RADIL: variants seen among roughly 807,000 people sequenced by gnomAD.
RADIL encodes the protein ras-associating and dilute domain-containing protein.
RADIL carries 99 observed loss-of-function variants against 97.6 expected under a neutral mutation model. The ratio of observed to expected loss-of-function variants is 1.01; its 90% CI spans 0.86 to 1.20. The LOEUF (loss-of-function observed/expected upper bound fraction) is 1.20. Among genes scored for constraint, RADIL ranks in the 50% most tolerant of loss-of-function variants. The probability of loss-of-function intolerance (pLI) is 0.00; values close to 1 mark genes in which losing one functional copy is unlikely to be tolerated. For missense variants in RADIL, 1,765 were observed against 1,498.9 expected (o/e 1.18, Z -2.93); for synonymous variants, 803 against 691.8 (o/e 1.16, Z -2.52).
chr7:4,834,979 C>G lies in RADIL; in HGVS notation c.1044G>C (p.Gly348=). ...CCTTGAATAGCAGCAGGTAGTAGAG[C>G]CCCAGGGAGAGCAGGTCCCCGTGGT... is the stretch of plus-strand genomic sequence containing the variant. The part of the protein sequence containing the change: ...VLHHGDLLSL[G]LYYLLLFKDP... The change falls in exon 4 of 15, where the codon GGG becomes GGC. Residue 348 remains glycine, a synonymous_variant. Coordinates refer to ENST00000399583, the MANE Select transcript of RADIL (RefSeq NM_018059.5). This position sits in a 1 kb window ranked among gnomAD's most constrained non-coding sequence, Gnocchi z 6.0. The G allele has an allele frequency of 1.2e-6, 2 of 1,610,666 alleles. No individual in the cohort carries two copies. The highest frequency in any genetic ancestry group is 1.7e-6 in the Non-Finnish European group (2 of 1,179,088).
rs984059680 is a variant in RADIL at position 4,883,660 on chromosome 7, G to C, written c.-129C>G. The C allele has an allele frequency of 6.6e-6, 1 of 151,944 alleles. No individual in the cohort carries two copies. The highest frequency in any genetic ancestry group is 2.1e-4 in the South Asian group (1 of 4,838). The allele number at this position is 151,944 out of a possible 1,614,324, so 9.4% of individuals were successfully genotyped here. ...CTCCCACCCGCCGTTGGCTGGGGCC[G>C]GCGCCCAGACCCGCGCGTGCCGCGG... On this transcript the variant is annotated 5_prime_UTR_variant, in exon 1 of 15. Coordinates refer to ENST00000399583, the MANE Select transcript of RADIL (RefSeq NM_018059.5). This position sits in a 1 kb window ranked among gnomAD's most constrained non-coding sequence, Gnocchi z 7.1.
In RADIL at chr7:4,815,369, C is replaced by T. The variant is rs769429161; in HGVS notation, c.2048G>A (p.Ser683Asn). ...CTCTCCAGCCGCCCCGAAGCCGGCG[C>T]TCCGCATCCACTCCAGGAGCTGCTG... ...RLQQLLEWMRSAGFGAAGEHF... is the reference protein window; with the variant it reads ...RLQQLLEWMRNAGFGAAGEHF... The change falls in exon 9 of 15, where the codon AGC (serine) becomes AAC (asparagine). Residue 683 changes from serine (S) to asparagine (N), a missense_variant. Transcript: ENST00000399583. The surrounding 1 kb of genome is among the most constrained non-coding windows in gnomAD (Gnocchi z 8.0). The T allele has an allele frequency of 6.4e-6, 10 of 1,561,766 alleles. No individual in the cohort carries two copies. Among genetic ancestry groups the T allele is most frequent in the Non-Finnish European group, 6.1e-6 (7 of 1,153,782 alleles).
intron 13 of RADIL, 116 bp from the exon 14 acceptor site, chr7:4,799,885 C>T (rs1437728461): frequency 2.9e-6 from 4 of 1,380,208 alleles, no homozygotes; most frequent in Non-Finnish European, 3.8e-6. Flanking sequence ...CAGCCAGGCC[C>T]ACTCATGGTT....
chr7:4,830,756 T>C (rs1783117973), intron 5 of RADIL, among the ~76,000 whole-genome samples: 2 of 152,146 alleles, frequency 1.3e-5, no homozygotes, highest in Admixed American at 1.3e-4. Context: ...GGTTCACACC[T>C]GTAATCCCAG....
At position 4,797,773 on chromosome 7, in the gene RADIL, G is replaced by C. The variant is rs1018787916; in HGVS notation, c.*1605C>G. On this transcript the variant is annotated 3_prime_UTR_variant, in exon 15 of 15. Transcript: ENST00000399583. ...AAGGCGGGCAGATCACTTGATGTCAGTTTGAAATCAGCCTGGCCAACGTGG... is the reference window on the plus strand; with the variant it reads ...AAGGCGGGCAGATCACTTGATGTCACTTTGAAATCAGCCTGGCCAACGTGG... The C allele has an allele frequency of 1.3e-5, 2 of 152,180 alleles. No homozygotes were observed. Among genetic ancestry groups the C allele is most frequent in the African/African-American group, 4.8e-5 (2 of 41,434 alleles). 9.4% of individuals were successfully genotyped at this position (152,180 alleles called of 1,614,324 possible).
intron 9 of RADIL, chr7:4,808,902 C>T (rs1260924505): frequency 1.7e-5 from 16 of 917,632 alleles, no homozygotes; most frequent in South Asian, 5.5e-5. Context: ...CCCGTTCCGA[C>T]GCCACTGCCC....
chr7:4,862,784 C>T (rs927676550), intron 2 of RADIL, among the ~76,000 whole-genome samples: 3 of 152,082 alleles, frequency 2.0e-5, no homozygotes, highest in African/African-American at 7.2e-5. Flanking sequence ...GTAATCCCAG[C>T]TACTCGGGAG....
rs188000763 is a variant in RADIL, at chr7:4,821,913, G to A, written c.1615+481C>T. Among the ~76,000 whole-genome samples, 4 of 152,056 alleles carry A rather than the reference G, an allele frequency of 2.6e-5. No homozygotes were observed. The highest frequency in any genetic ancestry group is 4.4e-5 in the Non-Finnish European group (3 of 68,012). ...TTCCCACATCTTAATCTGTGAAACC[G>A]ACATAATCTACAATTTCACAACAAT... On this transcript the variant is annotated intron_variant, in intron 6 of 14. Transcript: ENST00000399583. This position sits in a 1 kb window ranked among gnomAD's most constrained non-coding sequence, Gnocchi z 5.2.
At chr7:4,800,375 G>A in intron 12 of RADIL, 65 bp from the exon 13 acceptor site, 4 of 1,390,448 alleles carry the variant, frequency 2.9e-6, no homozygotes, top group East Asian at 2.9e-5. Flanking sequence ...GGAATGGGAT[G>A]TCCTGGCCTG....
intron 2 of RADIL, chr7:4,860,843 T>C: frequency 2.5e-6 from 4 of 1,614,192 alleles, no homozygotes; most frequent in Non-Finnish European, 3.4e-6. Flanking sequence ...GGAGTTCTGC[T>C]GTGGGTATGC....
intron 5 of RADIL, among the ~76,000 whole-genome samples, chr7:4,823,372 G>A (rs377668197): frequency 1.7e-5 from 2 of 119,578 alleles, no homozygotes; most frequent in Non-Finnish European, 1.7e-5. Flanking sequence ...GTCTTGCTAT[G>A]TTGCCCAGGC....
At chr7:4,857,309 T>C (rs1415052728) in intron 2 of RADIL, among the ~76,000 whole-genome samples, 1 of 152,180 alleles carries the variant, frequency 6.6e-6, no homozygotes, top group African/African-American at 2.4e-5. Context: ...GCGTGCCTTT[T>C]TTCCATTCTT....
rs117376472 is a variant in RADIL at position 4,817,917 on chromosome 7, G to A, written c.1616-566C>T. ...CTGCCGTCTGGGTGGGGGCTCTTGT[G>A]AAGGTGGGAGGCCCCCAACAGGGTG... On this transcript the variant is annotated intron_variant, in intron 6 of 14. Coordinates refer to ENST00000399583, the MANE Select transcript of RADIL (RefSeq NM_018059.5). The surrounding 1 kb of genome is among the most constrained non-coding windows in gnomAD (Gnocchi z 8.3). Among the ~76,000 whole-genome samples the A allele has an allele frequency of 5.7e-3, 869 of 152,348 alleles. 4 individuals are homozygous for A. The highest frequency in any genetic ancestry group is 9.5e-3 in the Non-Finnish European group (649 of 68,026).
At chr7:4,860,273 C>A in intron 2 of RADIL, 1 of 1,613,930 alleles carries the variant, frequency 6.2e-7, no homozygotes, top group South Asian at 1.1e-5. Flanking sequence ...CAATCTTCTA[C>A]CTTCTGTTGA....
chr7:4,810,251 T>C (rs2115178468), intron 9 of RADIL, among the ~76,000 whole-genome samples: 1 of 152,300 alleles, frequency 6.6e-6, no homozygotes, highest in East Asian at 1.9e-4. Context: ...GCAAACCCCC[T>C]GTGCTTAAGC....
chr7:4,878,250 A>C lies in RADIL; in HGVS notation c.-64-47T>G, dbSNP rs1784414596. Reference sequence around the variant, plus strand: ...GTTAGCGCCAACCATCGTGACCACCAAGAGCAAATGAGGCCACAGGCGGTG... The same window carrying C: ...GTTAGCGCCAACCATCGTGACCACCCAGAGCAAATGAGGCCACAGGCGGTG... On this transcript the variant is annotated intron_variant, in intron 1 of 14. Transcript: ENST00000399583. The surrounding 1 kb of genome is among the most constrained non-coding windows in gnomAD (Gnocchi z 4.1). 1.6e-6 allele frequency: 2 copies of C among 1,226,610 alleles called. No individual in the cohort carries two copies. Among genetic ancestry groups the C allele is most frequent in the Non-Finnish European group, 2.2e-6 (2 of 909,306 alleles). 76.0% of individuals were successfully genotyped at this position (1,226,610 alleles called of 1,614,324 possible). A position where few individuals can be genotyped will look rare whatever the true frequency, so the allele number is the denominator to read the frequency against.
chr7:4,818,567 G>A lies in RADIL; in HGVS notation c.1616-1216C>T, dbSNP rs1361495490. The stretch of plus-strand genomic sequence containing the variant: ...GTCCGGGGCAGTAAGGGGCTCTCGG[G>A]CTCTGCCAACCTCAACACTGTGCCC... On this transcript the variant is annotated intron_variant, in intron 6 of 14. Coordinates refer to ENST00000399583, the MANE Select transcript of RADIL (RefSeq NM_018059.5). The surrounding 1 kb of genome is among the most constrained non-coding windows in gnomAD (Gnocchi z 7.1). Among the ~76,000 whole-genome samples the A allele has an allele frequency of 6.6e-6, 1 of 152,198 alleles. No individual in the cohort carries two copies. Among genetic ancestry groups the A allele is most frequent in the Non-Finnish European group, 1.5e-5 (1 of 68,028 alleles).
At chr7:4,828,515 T>C (rs909030997) in intron 5 of RADIL, among the ~76,000 whole-genome samples, 4 of 152,168 alleles carry the variant, frequency 2.6e-5, no homozygotes, top group African/African-American at 9.7e-5. Context: ...AGGGGGAAAA[T>C]ATGTTGATCA....
intron 2 of RADIL, chr7:4,859,854 G>A (rs1437032206): frequency 9.5e-6 from 13 of 1,365,562 alleles, no homozygotes; most frequent in Non-Finnish European, 1.3e-5. Flanking sequence ...GGTTTTCTTG[G>A]TCCTTTCTTC....
Sources: allele counts gnomAD v4.1 joint callset (sites outside exome capture counted in the v4.1 genomes callset), GRCh38; gene constraint gnomAD v4.1.1; non-coding constraint Gnocchi (gnomAD v3.1); transcripts MANE v1.5; gene names NCBI Gene and HGNC (gene_info 2026-07-23, HGNC 2026-07-21).